SH3D21: variants seen among roughly 807,000 people sequenced by gnomAD.
SH3D21 encodes the protein SH3 domain-containing protein 21.
Under a neutral mutation model 82.1 loss-of-function variants are expected in SH3D21, and 83 were observed. The observed-to-expected ratio is 1.01, with a 90% CI of 0.85 to 1.21. The LOEUF (loss-of-function observed/expected upper bound fraction) is 1.21, where lower values mean the gene tolerates loss of function less well. Ranked by LOEUF, SH3D21 falls within the 50% of genes most tolerant of loss-of-function variation. The pLI is 0.00. For missense variants in SH3D21, 980 were observed against 962.1 expected (o/e 1.02, Z -0.25); for synonymous variants, 383 against 387.8 (o/e 0.99, Z 0.15).
chr1:36,319,875 G>A lies in SH3D21; in HGVS notation c.1212G>A (p.Ser404=), dbSNP rs762438373. 6.2e-6 allele frequency: 10 copies of A among 1,613,546 alleles called. No homozygotes were observed. The highest frequency in any genetic ancestry group is 1.7e-5 in the Admixed American group (1 of 59,928). ...CCTCTATCCCAGGGAACTCCACCTC[G>A]GGGAAGATCCCAGCTCCTGACAAAG... The part of the protein sequence containing the change: ...DKASIPGNST[S]GKIPAPDKVP... The change falls in exon 14 of 16, where the codon TCG becomes TCA. Residue 404 remains serine, a synonymous_variant. Coordinates refer to ENST00000453908, the MANE Select transcript of SH3D21 (RefSeq NM_001162530.2).
At chr1:36,322,053 C>A, downstream of SH3D21, 2 of 1,316,698 alleles carry the variant, frequency 1.5e-6, no homozygotes, top group Non-Finnish European at 1.9e-6. Flanking sequence ...AGCTTTCTTT[C>A]ATTTGGTCAC....
At chr1:36,322,544 C>T (rs1362439713), downstream of SH3D21, 9 of 1,598,344 alleles carry the variant, frequency 5.6e-6, no homozygotes, top group African/African-American at 1.2e-4. Context: ...TCACCGTGTC[C>T]TCCTCGTCCT....
At chr1:36,322,356 G>A, downstream of SH3D21, 1 of 1,586,080 alleles carries the variant, frequency 6.3e-7, no homozygotes, top group Non-Finnish European at 8.5e-7. Context: ...CAGCGTGCCT[G>A]TGCCCAGCAG....
downstream of SH3D21, chr1:36,328,497 G>C: frequency 3.7e-6 from 1 of 267,314 alleles, no homozygotes; most frequent in Non-Finnish European, 7.5e-6. Context: ...TAGGCCCAGT[G>C]TGGTGGCTCA....
rs1646150856 is a variant in SH3D21 at position 36,307,431 on chromosome 1, G to A, written c.346-86G>A. 2 of 1,512,028 alleles carry A rather than the reference G, an allele frequency of 1.3e-6. No individual in the cohort carries two copies. Among genetic ancestry groups the A allele is most frequent in the Admixed American group, 2.0e-5 (1 of 49,762 alleles). 93.7% of individuals were successfully genotyped at this position (1,512,028 alleles called of 1,614,324 possible). ...GCGGGAGGGAAGGAGGGAGGAAGGG[G>A]CGCTTGGGCAGAACCAAGGGTGGCA... On this transcript the variant is annotated intron_variant, in intron 4 of 15. Coordinates refer to ENST00000453908, the MANE Select transcript of SH3D21 (RefSeq NM_001162530.2). This position sits in a 1 kb window ranked among gnomAD's most constrained non-coding sequence, Gnocchi z 5.4.
At position 36,320,068 on chromosome 1, in the gene SH3D21, A is replaced by T. The variant is rs1257462856; in HGVS notation, c.1405A>T (p.Asn469Tyr). The change falls in exon 14 of 16, where the codon AAT becomes TAT. Residue 469 changes from asparagine (N) to tyrosine (Y), a missense_variant. Asn to Tyr is a moderately radical substitution (Grantham distance 143, BLOSUM62 -2). Transcript: ENST00000453908. Reference sequence around the variant, plus strand: ...AGCCCCACCTATGGATAAAGTCCCTAATCCAAAGATGGCCCCTCTGGGGGA... The same window carrying T: ...AGCCCCACCTATGGATAAAGTCCCTTATCCAAAGATGGCCCCTCTGGGGGA... ...LEAPPMDKVP[N>Y]PKMAPLGDEA... The T allele has an allele frequency of 6.2e-7, 1 of 1,613,952 alleles. No individual in the cohort carries two copies. The highest frequency in any genetic ancestry group is 8.5e-7 in the Non-Finnish European group (1 of 1,180,006).
rs776123139 is a variant in SH3D21 at position 36,319,853 on chromosome 1, C to G, written c.1190C>G (p.Ser397Cys). The G allele has an allele frequency of 6.2e-7, 1 of 1,613,836 alleles. No individual in the cohort carries two copies. Among genetic ancestry groups the G allele is most frequent in the Non-Finnish European group, 8.5e-7 (1 of 1,179,944 alleles). Residue 397 changes from serine to cysteine, a missense_variant, in exon 14 of 16, where the codon TCT (serine) becomes TGT (cysteine). Ser to Cys is a moderately radical substitution (Grantham distance 112). Coordinates refer to ENST00000453908, the MANE Select transcript of SH3D21 (RefSeq NM_001162530.2). Reference protein sequence around the residue: ...EKTLTLGDKASIPGNSTSGKI... With the variant: ...EKTLTLGDKACIPGNSTSGKI... Reference sequence around the variant, plus strand: ...ACCCTCACTCTAGGGGACAAGGCCTCTATCCCAGGGAACTCCACCTCGGGG... The same window carrying G: ...ACCCTCACTCTAGGGGACAAGGCCTGTATCCCAGGGAACTCCACCTCGGGG...
chr1:36,320,880 C>T (rs1406163597), intron 14 of SH3D21, 35 bp from the exon 15 acceptor site: 17 of 1,552,984 alleles, frequency 1.1e-5, no homozygotes, highest in African/African-American at 1.4e-5. Flanking sequence ...CCAGCCCTCA[C>T]CTGCCCAGCC....
chr1:36,307,847 A>G lies in SH3D21; in HGVS notation c.492+22A>G, dbSNP rs1481314280. On this transcript the variant is annotated intron_variant, in intron 6 of 15. Coordinates refer to ENST00000453908, the MANE Select transcript of SH3D21 (RefSeq NM_001162530.2). The surrounding 1 kb of genome is among the most constrained non-coding windows in gnomAD (Gnocchi z 5.4). ...CAAGGTAAGTTGGCTCAGAGTAGGC[A>G]CAGAGGTGGTGAGTTCCTCTTGGGG... 4 of 1,551,590 alleles carry G rather than the reference A, an allele frequency of 2.6e-6. No individual in the cohort carries two copies. The African/African-American group carries it at 4.1e-5, about 16-fold the overall frequency.
rs2124696498 is a variant in SH3D21, at chr1:36,319,721, C to A, written c.1058C>A (p.Thr353Asn). 2.5e-6 allele frequency: 4 copies of A among 1,595,168 alleles called. No individual in the cohort carries two copies. The highest frequency in any genetic ancestry group is 2.6e-6 in the Non-Finnish European group (3 of 1,172,406). ...SPVKAPSVKR[T>N]PMPDKTATPE... Reference sequence around the variant, plus strand: ...GTAAAGGCCCCCTCTGTGAAGAGAACCCCCATGCCGGACAAGACTGCCACC... The same window carrying A: ...GTAAAGGCCCCCTCTGTGAAGAGAAACCCCATGCCGGACAAGACTGCCACC... The change falls in exon 14 of 16, where the codon ACC becomes AAC. Residue 353 changes from threonine (T) to asparagine (N), a missense_variant. By Grantham distance (65) the Thr-to-Asn change is moderately conservative. Coordinates refer to ENST00000453908, the MANE Select transcript of SH3D21 (RefSeq NM_001162530.2).
downstream of SH3D21, among the ~76,000 whole-genome samples, chr1:36,325,933 A>G (rs1285733885): frequency 6.6e-6 from 1 of 152,236 alleles, no homozygotes; most frequent in Non-Finnish European, 1.5e-5. Context: ...TGGAGAAACA[A>G]TAGAAGATAA....
At chr1:36,315,192 C>T (rs1252792723) in intron 10 of SH3D21, among the ~76,000 whole-genome samples, 1 of 151,806 alleles carries the variant, frequency 6.6e-6, no homozygotes, top group Non-Finnish European at 1.5e-5. Flanking sequence ...ACAAGAATCG[C>T]TTGAACCTGT....
chr1:36,313,448 C>T (rs1205658571), intron 10 of SH3D21, among the ~76,000 whole-genome samples: 1 of 151,868 alleles, frequency 6.6e-6, no homozygotes, highest in Non-Finnish European at 1.5e-5. Flanking sequence ...TTTTAAACAA[C>T]TTCTTCAATT....
In SH3D21 at chr1:36,309,538, T is replaced by C. The variant is rs765227317; in HGVS notation, c.727-10T>C. On this transcript the variant is annotated splice_polypyrimidine_tract_variant and intron_variant, in intron 9 of 15. Coordinates refer to ENST00000453908, the MANE Select transcript of SH3D21 (RefSeq NM_001162530.2). ...TAAGGATGCTCAACCTTTACTTCTTTTCGGCATAGATCAAGAAGCTGGTCC... is the reference window on the plus strand; with the variant it reads ...TAAGGATGCTCAACCTTTACTTCTTCTCGGCATAGATCAAGAAGCTGGTCC... 32 of 1,551,478 alleles carry C rather than the reference T, an allele frequency of 2.1e-5. No homozygotes were observed. In the Admixed American group the frequency reaches 6.3e-4, roughly 30 times the overall value.
chr1:36,316,006 ATCCTGAACT>A (rs1286688563), intron 10 of SH3D21, among the ~76,000 whole-genome samples: 1 of 152,168 alleles, frequency 6.6e-6, no homozygotes, highest in Non-Finnish European at 1.5e-5. Context: ...TTGCATGCAC[ATCCTGAACT>A]TCTTCAAATG....
chr1:36,320,527 G>C lies in SH3D21; in HGVS notation c.1864G>C (p.Val622Leu), dbSNP rs765599076. The stretch of plus-strand genomic sequence containing the variant: ...AGAGGAGGTGCTCCCCAAAGAGGGA[G>C]TGGCTTCCAAAGAGGAGGTGACCCT... ...LREEVLPKEG[V>L]ASKEEVTLKE... The change falls in exon 14 of 16, where the codon GTG becomes CTG. Residue 622 changes from valine to leucine, a missense_variant. Transcript: ENST00000453908. The C allele has an allele frequency of 6.2e-7, 1 of 1,614,184 alleles. No individual in the cohort carries two copies. Among genetic ancestry groups the C allele is most frequent in the African/African-American group, 1.3e-5 (1 of 75,034 alleles).
In SH3D21 at chr1:36,320,915, G is replaced by C; in HGVS notation, c.2136G>C (p.Glu712Asp). 6.4e-7 allele frequency: 1 copy of C among 1,562,668 alleles called. No individual in the cohort carries two copies. Among genetic ancestry groups the C allele is most frequent in the Non-Finnish European group, 8.7e-7 (1 of 1,153,520 alleles). Residue 712 changes from glutamate (E) to aspartate (D), a missense_variant and splice_region_variant, in exon 15 of 16, where the codon GAG (glutamate) becomes GAC (aspartate). Transcript: ENST00000453908. ...RALELMEVQLERKLTDIWEEL... is the reference protein window; with the variant it reads ...RALELMEVQLDRKLTDIWEEL... ...CCCTCACCTCCGCCTCGGCCCGCAG[G>C]AGGAAGCTGACCGACATCTGGGAGG... is the stretch of plus-strand genomic sequence containing the variant.
rs190353404 is a variant in SH3D21 at position 36,316,515 on chromosome 1, G to A, written c.770-2556G>A. Reference sequence around the variant, plus strand: ...CTCCCAAAGTGTTGGGATTACAGGCGTGAGCCACCGCGCCTGGCCGAGAAT... The same window carrying A: ...CTCCCAAAGTGTTGGGATTACAGGCATGAGCCACCGCGCCTGGCCGAGAAT... On this transcript the variant is annotated intron_variant, in intron 10 of 15. Coordinates refer to ENST00000453908, the MANE Select transcript of SH3D21 (RefSeq NM_001162530.2). Among the ~76,000 whole-genome samples, 126 of 152,330 alleles carry A rather than the reference G, an allele frequency of 8.3e-4. 1 individual carries two copies. The highest frequency in any genetic ancestry group is 2.0e-3 in the African/African-American group (84 of 41,574).
chr1:36,321,840 C>CA (rs1646469564), downstream of SH3D21: 4 of 1,020,938 alleles, frequency 3.9e-6, no homozygotes, highest in African/African-American at 5.2e-5. The surrounding 1 kb of genome is among the most constrained non-coding windows in gnomAD (Gnocchi z 6.1). Context: ...AGGCTGGGTG[C>CA]AGGCCTGTGG....
Sources: allele counts gnomAD v4.1 joint callset (sites outside exome capture counted in the v4.1 genomes callset), GRCh38; gene constraint gnomAD v4.1.1; non-coding constraint Gnocchi (gnomAD v3.1); transcripts MANE v1.5; gene names NCBI Gene and HGNC (gene_info 2026-07-23, HGNC 2026-07-21).